Variants in EIF3M observed in about 807,000 individuals in gnomAD.
EIF3M encodes the protein eukaryotic translation initiation factor 3 subunit M, also known as B5 receptor.
In EIF3M, 25 loss-of-function variants were observed where a neutral mutation model predicts 49.7. The observed-to-expected ratio is 0.50, with a 90% CI of 0.37 to 0.70. The LOEUF is 0.70. EIF3M is among the 30% of genes least tolerant of loss of function. The probability of loss-of-function intolerance (pLI) is 0.00; values close to 1 mark genes in which losing one functional copy is unlikely to be tolerated. For synonymous variants in EIF3M, 156 were observed against 149.8 expected (o/e 1.04, Z -0.30); for missense variants, 350 against 440.0 (o/e 0.80, Z 1.83).
Position 32,584,886 on chromosome 11 carries a change from G to A in EIF3M, c.42+957G>A, listed in dbSNP as rs539938006. On this transcript the variant is annotated intron_variant, in intron 1 of 10. Transcript: ENST00000531120. ...CCATAACAAAAGTTTAACCTTATTT[G>A]GTAGGAGTTGAACACGACATCGTAT... 1.0e-3 allele frequency among the ~76,000 whole-genome samples: 157 copies of A among 152,276 alleles called. 1 individual carries two copies. The highest frequency in any genetic ancestry group is 3.6e-3 in the African/African-American group (148 of 41,556).
chr11:32,602,048 T>A, intron 10 of EIF3M: 1 of 861,778 alleles, frequency 1.2e-6, no homozygotes, highest in Non-Finnish European at 1.8e-6. Flanking sequence ...TTGGCTAGAA[T>A]ACTAATGACT....
At chr11:32,589,338 G>A (rs1402024685) in intron 4 of EIF3M, among the ~76,000 whole-genome samples, 4 of 151,918 alleles carry the variant, frequency 2.6e-5, no homozygotes, top group South Asian at 2.1e-4. Context: ...CACCACGCCC[G>A]GCTAATGTTG....
At chr11:32,584,078 G>A (rs1181567505) in intron 1 of EIF3M, 149 bp downstream of exon 1, 7 of 1,071,386 alleles carry the variant, frequency 6.5e-6, no homozygotes, top group African/African-American at 1.6e-5. Flanking sequence ...GCTGGGGCGC[G>A]CGTTCCTGGC....
intron 1 of EIF3M, chr11:32,584,431 C>G (rs1388098445): frequency 6.4e-6 from 1 of 155,196 alleles, no homozygotes; most frequent in African/African-American, 2.4e-5. Flanking sequence ...CACGGTGAAA[C>G]CCTGTCTCTA....
chr11:32,587,149 G>T lies in EIF3M; in HGVS notation c.175+5G>T. 2 of 1,549,604 alleles carry T rather than the reference G, an allele frequency of 1.3e-6. No homozygotes were observed. Among genetic ancestry groups the T allele is most frequent in the Non-Finnish European group, 8.7e-7 (1 of 1,150,064 alleles). On this transcript the variant is annotated splice_donor_5th_base_variant and intron_variant, in intron 2 of 10. Transcript: ENST00000531120. ...GTCTGAAGGAGGATGATAAAGGTTTGTTTTTAATTTTTTTCTAATATTTCC... is the reference window on the plus strand; with the variant it reads ...GTCTGAAGGAGGATGATAAAGGTTTTTTTTTAATTTTTTTCTAATATTTCC...
In EIF3M at chr11:32,589,012, G is replaced by A. The variant is rs765290768; in HGVS notation, c.315G>A (p.Leu105=). The A allele has an allele frequency of 6.2e-7, 1 of 1,613,704 alleles. No homozygotes were observed. Among genetic ancestry groups the A allele is most frequent in the Non-Finnish European group, 8.5e-7 (1 of 1,179,818 alleles). ...GTTTATTTGTTTGTTAACCAACCAG[G>A]TTAAGCAACCTTTTCCACGGGATGG... ...EGERPSLRLQ[L]LSNLFHGMDK... is the part of the protein sequence containing the mutation. Residue 105 remains leucine (L), a splice_region_variant and synonymous_variant, in exon 4 of 11, where the codon TTG becomes TTA. Coordinates refer to ENST00000531120, the MANE Select transcript of EIF3M (RefSeq NM_006360.6).
chr11:32,597,733 C>A (rs1213945709), intron 8 of EIF3M, among the ~76,000 whole-genome samples: 1 of 152,148 alleles, frequency 6.6e-6, no homozygotes, highest in African/African-American at 2.4e-5. Flanking sequence ...ACACTGGAGT[C>A]AACTGTGAAA....
Position 32,588,595 on chromosome 11 carries a change from T to A in EIF3M, c.177T>A (p.Asp59Glu). The A allele has an allele frequency of 1.2e-6, 2 of 1,614,092 alleles. No homozygotes were observed. Among genetic ancestry groups the A allele is most frequent in the Non-Finnish European group, 1.7e-6 (2 of 1,179,966 alleles). ...ATTGTGTTATCCATACTTGTGTAGA[T>A]GTTGAAAGTGTGATGAACAGTGTGG... The part of the protein sequence containing the change: ...CDVCLKEDDK[D>E]VESVMNSVVS... Residue 59 changes from aspartate to glutamate, a missense_variant and splice_region_variant, in exon 3 of 11, where the codon GAT becomes GAA. By Grantham distance (45) the Asp-to-Glu change is conservative (BLOSUM62 2). Transcript: ENST00000531120.
At chr11:32,590,507 A>G (rs1253056332) in intron 5 of EIF3M, among the ~76,000 whole-genome samples, 2 of 152,140 alleles carry the variant, frequency 1.3e-5, no homozygotes, top group African/African-American at 4.8e-5. Context: ...CTAGCATTTA[A>G]CACCCTTAGT....
At chr11:32,590,265 T>G (rs571071814) in intron 5 of EIF3M, among the ~76,000 whole-genome samples, 1 of 152,356 alleles carries the variant, frequency 6.6e-6, no homozygotes, top group African/African-American at 2.4e-5. Context: ...TGGTATTACA[T>G]CCATGCCTAT....
chr11:32,592,693 C>T, intron 5 of EIF3M: 1 of 508,286 alleles, frequency 2.0e-6, no homozygotes, highest in Non-Finnish European at 3.9e-6. Context: ...CTAAAACTAC[C>T]ATCTCTAGTT....
chr11:32,587,140 TA>T lies in EIF3M; in HGVS notation c.174del (p.Asp59MetfsTer5). On this transcript the variant is annotated frameshift_variant, in exon 2 of 11. Coordinates refer to ENST00000531120, the MANE Select transcript of EIF3M (RefSeq NM_006360.6). LOFTEE classifies it high-confidence loss of function. ...ACDVCLKEDD[K>X]DVESVMNSVV... Reference sequence around the variant, plus strand: ...GTGATGTGTGTCTGAAGGAGGATGATAAAGGTTTGTTTTTAATTTTTTTCTA... The same window carrying T: ...GTGATGTGTGTCTGAAGGAGGATGATAAGGTTTGTTTTTAATTTTTTTCTA... The T allele has an allele frequency of 6.4e-7, 1 of 1,573,492 alleles. No homozygotes were observed. Among genetic ancestry groups the T allele is most frequent in the Non-Finnish European group, 8.6e-7 (1 of 1,161,708 alleles).
intron 5 of EIF3M, among the ~76,000 whole-genome samples, chr11:32,590,100 A>G (rs189647288): frequency 1.8e-4 from 27 of 152,334 alleles, no homozygotes; most frequent in African/African-American, 5.5e-4. Flanking sequence ...GCTCTTTGCC[A>G]GTCTGGACCA....
intron 1 of EIF3M, among the ~76,000 whole-genome samples, chr11:32,585,827 T>C (rs1157157643): frequency 7.4e-6 from 1 of 134,268 alleles, no homozygotes; most frequent in Non-Finnish European, 1.6e-5. Flanking sequence ...GGTTTAAAAA[T>C]CTTGATGGCT....
chr11:32,586,932 A>G, intron 1 of EIF3M, 80 bp from the exon 2 acceptor site: 1 of 1,476,304 alleles, frequency 6.8e-7, no homozygotes, highest in Non-Finnish European at 9.1e-7. Flanking sequence ...TTTCCGTTTT[A>G]GTTTTTCAGA....
chr11:32,592,831 C>A (rs1855124261), intron 5 of EIF3M: 41 of 357,006 alleles, frequency 1.1e-4, no homozygotes, highest in South Asian at 9.1e-4. Context: ...ATGTTGCCCA[C>A]ACTGGAGTAC....
intron 1 of EIF3M, 50 bp downstream of exon 1, chr11:32,583,979 G>C: frequency 6.2e-7 from 1 of 1,609,252 alleles, no homozygotes; most frequent in Non-Finnish European, 8.5e-7. Flanking sequence ...GGATGTCCTA[G>C]TAGCGCAAGG....
intron 9 of EIF3M, chr11:32,601,505 A>T (rs1001626352): frequency 0.094 from 5,477 of 58,558 alleles, 114 homozygotes; most frequent in African/African-American, 0.3. Context: ...ATTCTTTAAA[A>T]AAAAAAAAAA....
In EIF3M at chr11:32,605,581, A is replaced by G. The variant is rs1855339131; in HGVS notation, c.*3182A>G. ...CCAAGTACAAATTAACAGTTTCCCA[A>G]AATCCTGATTCTTTGACTTTTTTAT... On this transcript the variant is annotated 3_prime_UTR_variant, in exon 11 of 11. Coordinates refer to ENST00000531120, the MANE Select transcript of EIF3M (RefSeq NM_006360.6). 6.6e-6 allele frequency: 1 copy of G among 152,204 alleles called. No individual in the cohort carries two copies. The highest frequency in any genetic ancestry group is 2.4e-5 in the African/African-American group (1 of 41,444). The allele number at this position is 152,204 out of a possible 1,614,324, so 9.4% of individuals were successfully genotyped here. A position where few individuals can be genotyped will look rare whatever the true frequency, so the allele number is the denominator to read the frequency against.
Sources: gnomAD v4.1 joint callset for allele counts (sites outside exome capture counted in the v4.1 genomes callset) on GRCh38, gnomAD v4.1.1 for gene constraint, MANE v1.5 for transcripts, NCBI Gene and HGNC (gene_info 2026-07-23, HGNC 2026-07-21) for gene names.